LIN37: variants seen among roughly 807,000 people sequenced by gnomAD.
LIN37 encodes protein lin-37 homolog.
Under a neutral mutation model 38.0 loss-of-function variants are expected in LIN37, and 21 were observed. The ratio of observed to expected loss-of-function variants is 0.55; its 90% CI spans 0.39 to 0.80. The LOEUF (loss-of-function observed/expected upper bound fraction) is 0.80, where lower values mean the gene tolerates loss of function less well. Among genes scored for constraint, LIN37 ranks in the 30% least tolerant of loss-of-function variants. The pLI, the probability that LIN37 is intolerant of heterozygous loss-of-function variation, is 0.00. For synonymous variants in LIN37, 126 were observed against 122.9 expected, an observed-to-expected ratio of 1.03 and a Z score of -0.17; for missense variants, 273 against 338.5, an observed-to-expected ratio of 0.81 and a Z score of 1.52.
intron 6 of LIN37, chr19:35,753,753 GA>G: frequency 1.8e-6 from 1 of 569,564 alleles, no homozygotes; most frequent in Non-Finnish European, 3.1e-6. Context: ...AGGATTCCCT[GA>G]GGCAGGCAGA....
rs754718847 is a variant in LIN37, at chr19:35,748,777, G to C, written c.34+19G>C. ...AAATCAGGTGAGGACCCTGACGTCG[G>C]GGGCCTGTCGGGACCATCGGGTTGA... On this transcript the variant is annotated intron_variant, in intron 1 of 8. Transcript: ENST00000301159. 3 of 1,613,724 alleles carry C rather than the reference G, an allele frequency of 1.9e-6. No homozygotes were observed. Among genetic ancestry groups the C allele is most frequent in the African/African-American group, 1.3e-5 (1 of 74,934 alleles).
chr19:35,754,286 G>A lies in LIN37; in HGVS notation c.626G>A (p.Arg209His), dbSNP rs199515554. 2.1e-4 allele frequency: 346 copies of A among 1,614,000 alleles called. 1 individual carries two copies. Among genetic ancestry groups the A allele is most frequent in the Middle Eastern group, 1.6e-4 (1 of 6,062 alleles). ...PEPSPSTLIY[R>H]NMQRWKRIRQ... ...CCCTCACCCTCCACACTCATCTATC[G>A]CAACATGCAGCGCTGGAAACGCATC... Residue 209 changes from arginine (R) to histidine (H), a missense_variant, in exon 8 of 9, where the codon CGC becomes CAC. Transcript: ENST00000301159.
intron 3 of LIN37, 73 bp from the exon 4 acceptor site, chr19:35,752,731 C>T: frequency 6.4e-7 from 1 of 1,553,766 alleles, no homozygotes; most frequent in Non-Finnish European, 8.8e-7. Flanking sequence ...GGTTTGATAC[C>T]AGTATCCCCA....
At chr19:35,753,323 C>A in intron 6 of LIN37, 70 bp downstream of exon 6, 1 of 1,506,978 alleles carries the variant, frequency 6.6e-7, no homozygotes, top group Non-Finnish European at 8.9e-7. Flanking sequence ...CTCAAAGGAT[C>A]CTGCCCCTAA....
chr19:35,749,104 G>T lies in LIN37; in HGVS notation c.34+346G>T, dbSNP rs137964044. 22 of 645,592 alleles carry T rather than the reference G, an allele frequency of 3.4e-5. No homozygotes were observed. The East Asian group carries it at 2.2e-3, about 64-fold the overall frequency. 40.0% of individuals were successfully genotyped at this position (645,592 alleles called of 1,614,324 possible). A position where few individuals can be genotyped will look rare whatever the true frequency, so the allele number is the denominator to read the frequency against. On this transcript the variant is annotated intron_variant, in intron 1 of 8. Transcript: ENST00000301159. ...GACGGAGTATCGCTATATTGCCCAGGCTGGTCTCGAACTCCTGGTCTCAAG... is the reference window on the plus strand; with the variant it reads ...GACGGAGTATCGCTATATTGCCCAGTCTGGTCTCGAACTCCTGGTCTCAAG...
At chr19:35,753,457 G>A (rs1970709383) in intron 6 of LIN37, 1 of 672,422 alleles carries the variant, frequency 1.5e-6, no homozygotes, top group African/African-American at 1.8e-5. Context: ...TAACCACCTG[G>A]CCTGGGAGAC....
rs1018118512 is a variant in LIN37 at position 35,754,009 on chromosome 19, G to A, written c.445-8G>A. On this transcript the variant is annotated splice_region_variant and splice_polypyrimidine_tract_variant and intron_variant, in intron 6 of 8. Coordinates refer to ENST00000301159, the MANE Select transcript of LIN37 (RefSeq NM_019104.3). ...CTTGGGCCTGGCATGGGGCCCTTGT[G>A]TCCCCAGGGCTCAGAGGTAACCAAC... 4 of 1,611,750 alleles carry A rather than the reference G, an allele frequency of 2.5e-6. No homozygotes were observed. The highest frequency in any genetic ancestry group is 2.2e-5 in the South Asian group (2 of 91,028).
intron 6 of LIN37, 56 bp downstream of exon 6, chr19:35,753,309 T>A: frequency 6.5e-7 from 1 of 1,529,798 alleles, no homozygotes; most frequent in South Asian, 1.2e-5. Flanking sequence ...AGTGGGTGGA[T>A]AGGCTCAAAG....
At position 35,754,103 on chromosome 19, in the gene LIN37, A is replaced by G; in HGVS notation, c.531A>G (p.Arg177=). ...TPPGPPGDAC[R]SRIPSPLQPE... ...CGGGGCCACCCGGAGATGCCTGCAG[A>G]TCCCGCATCCCATCTCCACTGCAGC... The change falls in exon 7 of 9, where the codon AGA becomes AGG. Residue 177 remains arginine, a synonymous_variant. Coordinates refer to ENST00000301159, the MANE Select transcript of LIN37 (RefSeq NM_019104.3). 1 of 1,613,964 alleles carries G rather than the reference A, an allele frequency of 6.2e-7. No individual in the cohort carries two copies. The highest frequency in any genetic ancestry group is 8.5e-7 in the Non-Finnish European group (1 of 1,179,870).
In LIN37 at chr19:35,748,606, A is replaced by G; in HGVS notation, c.-119A>G. The G allele has an allele frequency of 7.2e-7, 1 of 1,388,466 alleles. No individual in the cohort carries two copies. Among genetic ancestry groups the G allele is most frequent in the Non-Finnish European group, 1.0e-6 (1 of 977,156 alleles). 86.0% of individuals were successfully genotyped at this position (1,388,466 alleles called of 1,614,324 possible). On this transcript the variant is annotated 5_prime_UTR_variant, in exon 1 of 9. Coordinates refer to ENST00000301159, the MANE Select transcript of LIN37 (RefSeq NM_019104.3). ...CCAGGCTGGACACAACCAAAGGCGGAGGACCCGTGGCCCACGAAGCTCATC... is the reference window on the plus strand; with the variant it reads ...CCAGGCTGGACACAACCAAAGGCGGGGGACCCGTGGCCCACGAAGCTCATC...
rs1970706701 is a variant in LIN37 at position 35,753,230 on chromosome 19, C to G, written c.421C>G (p.Pro141Ala). The G allele has an allele frequency of 2.6e-6, 4 of 1,553,572 alleles. No homozygotes were observed. In the South Asian group the frequency reaches 4.7e-5, roughly 18 times the overall value. ...ERECSPSSPL[P>A]PLPEDEEGSE... ...TGAATGCTCTCCCAGCTCACCCCTG[C>G]CCCCGCTGCCTGAGGATGAGGAGGT... The change falls in exon 6 of 9, where the codon CCC becomes GCC. Residue 141 changes from proline to alanine, a missense_variant. Transcript: ENST00000301159.
rs373917491 is a variant in LIN37, at chr19:35,754,162, G to A, written c.585+5G>A. The stretch of plus-strand genomic sequence containing the variant: ...CAGGGCACCCCTGACGATGAGGTGA[G>A]TATGCCAGGCTGGCCCAGGGTTATG... On this transcript the variant is annotated splice_donor_5th_base_variant and intron_variant, in intron 7 of 8. Coordinates refer to ENST00000301159, the MANE Select transcript of LIN37 (RefSeq NM_019104.3). 6.2e-6 allele frequency: 10 copies of A among 1,614,006 alleles called. No individual in the cohort carries two copies. In the South Asian group the frequency reaches 9.9e-5, roughly 16 times the overall value.
chr19:35,752,060 G>A (rs1970685655), intron 1 of LIN37, 116 bp from the exon 2 acceptor site: 3 of 737,886 alleles, frequency 4.1e-6, no homozygotes, highest in African/African-American at 1.7e-5. Context: ...GGCTGCCTGG[G>A]CCTGGCTCTG....
At chr19:35,749,630 T>G (rs34485834) in intron 1 of LIN37, among the ~76,000 whole-genome samples, 14,217 of 111,044 alleles carry the variant, frequency 0.13, 831 homozygotes, top group African/African-American at 0.23. Flanking sequence ...GCTGTCTCTA[T>G]AAAAAATACA....
In LIN37 at chr19:35,754,280, T is replaced by C. The variant is rs1280410199; in HGVS notation, c.620T>C (p.Ile207Thr). 1 of 1,613,978 alleles carries C rather than the reference T, an allele frequency of 6.2e-7. No homozygotes were observed. The highest frequency in any genetic ancestry group is 8.5e-7 in the Non-Finnish European group (1 of 1,179,870). Residue 207 changes from isoleucine to threonine, a missense_variant, in exon 8 of 9, where the codon ATC becomes ACC. Coordinates refer to ENST00000301159, the MANE Select transcript of LIN37 (RefSeq NM_019104.3). ...SEPEPSPSTLIYRNMQRWKRI... is the reference protein window; with the variant it reads ...SEPEPSPSTLTYRNMQRWKRI... ...CCCGAGCCCTCACCCTCCACACTCA[T>C]CTATCGCAACATGCAGCGCTGGAAA...
Position 35,748,653 on chromosome 19 carries a change from C to A in LIN37, c.-72C>A, listed in dbSNP as rs562755108. ...CATCTTTGAACTGTCCCCGCCTTCT[C>A]CCGCCTTGACTTGTGACCCTAGGCC... is the stretch of plus-strand genomic sequence containing the variant. On this transcript the variant is annotated 5_prime_UTR_variant, in exon 1 of 9. Transcript: ENST00000301159. 59 of 1,603,890 alleles carry A rather than the reference C, an allele frequency of 3.7e-5. No homozygotes were observed. In the Admixed American group the frequency reaches 6.8e-4, roughly 19 times the overall value.
At chr19:35,752,086 G>A (rs937817952) in intron 1 of LIN37, 90 bp from the exon 2 acceptor site, 8 of 970,318 alleles carry the variant, frequency 8.2e-6, no homozygotes, top group African/African-American at 1.6e-5. Context: ...GGCCAGGGCA[G>A]AGGACACGCA....
chr19:35,750,599 C>A (rs1473510478), intron 1 of LIN37, among the ~76,000 whole-genome samples: 1 of 152,168 alleles, frequency 6.6e-6, no homozygotes. Flanking sequence ...GCTAACTGGG[C>A]AGGAAGGTGG....
At chr19:35,749,354 T>G (rs1031722057) in intron 1 of LIN37, among the ~76,000 whole-genome samples, 6 of 152,082 alleles carry the variant, frequency 3.9e-5, no homozygotes, top group Non-Finnish European at 2.9e-5. Flanking sequence ...TGGGTGAAGC[T>G]TAGAAAGAGG....
Sources: allele counts gnomAD v4.1 joint callset (sites outside exome capture counted in the v4.1 genomes callset), GRCh38; gene constraint gnomAD v4.1.1; transcripts MANE v1.5; gene names NCBI Gene and HGNC (gene_info 2026-07-23, HGNC 2026-07-21).